CADPS: variants seen among roughly 807,000 people sequenced by gnomAD.
The protein encoded by CADPS is calcium dependent secretion activator, also known as calcium-dependent secretion activator 1.
In CADPS, 57 loss-of-function variants were observed where a neutral mutation model predicts 167.3. That is an observed-to-expected ratio of 0.34 (90% CI 0.28 to 0.42). CADPS has a LOEUF of 0.42. CADPS is among the 20% of genes least tolerant of loss of function. The pLI, the probability that CADPS is intolerant of heterozygous loss-of-function variation, is 1.00. For missense variants in CADPS, 1,414 were observed against 1,738.1 expected (o/e 0.81, Z 3.32); for synonymous variants, 676 against 635.3 (o/e 1.06, Z -0.96).
chr3:62,513,109 AC>A (rs1274423146), intron 16 of CADPS, among the ~76,000 whole-genome samples: 4 of 152,138 alleles, frequency 2.6e-5, no homozygotes, highest in Non-Finnish European at 5.9e-5. Flanking sequence ...TCTAGAGGGA[AC>A]AAGGAAAAGC....
At position 62,516,060 on chromosome 3, in the gene CADPS, T is replaced by C. The variant is rs757147661; in HGVS notation, c.2580A>G (p.Glu860=). 37 of 1,612,840 alleles carry C rather than the reference T, an allele frequency of 2.3e-5. 1 individual carries two copies. Among genetic ancestry groups the C allele is most frequent in the Non-Finnish European group, 2.9e-5 (34 of 1,179,254 alleles). ...ACTGGGGGCAGAAGGGAGCCTTACC[T>C]TCGATTTTGGCATACTCTGAGAGCC... ...YSRLSEYAKI[E]ENQKDAENVG... The change falls in exon 16 of 30, where the codon GAA becomes GAG. Residue 860 remains glutamate (E), a splice_region_variant and synonymous_variant. Coordinates refer to ENST00000383710, the MANE Select transcript of CADPS (RefSeq NM_003716.4).
intron 1 of CADPS, among the ~76,000 whole-genome samples, chr3:62,846,093 T>A (rs1001852690): frequency 6.6e-6 from 1 of 151,446 alleles, no homozygotes; most frequent in Non-Finnish European, 1.5e-5. Context: ...CCTGCCACCA[T>A]GTGAAGACAT....
At chr3:62,633,201 C>T (rs1451724308) in intron 6 of CADPS, among the ~76,000 whole-genome samples, 4 of 152,126 alleles carry the variant, frequency 2.6e-5, no homozygotes, top group Admixed American at 1.3e-4. Flanking sequence ...AGTTTGGGCT[C>T]TATGTCCCAA....
Position 62,399,669 on chromosome 3 carries a change from G to A in CADPS, c.3883-84C>T, listed in dbSNP as rs1575523652. 2 of 1,116,642 alleles carry A rather than the reference G, an allele frequency of 1.8e-6. No homozygotes were observed. Among genetic ancestry groups the A allele is most frequent in the East Asian group, 2.4e-5 (1 of 42,138 alleles). The allele number at this position is 1,116,642 out of a possible 1,614,324, so 69.2% of individuals were successfully genotyped here. On this transcript the variant is annotated intron_variant, in intron 29 of 29. Transcript: ENST00000383710. The surrounding 1 kb of genome is among the most constrained non-coding windows in gnomAD (Gnocchi z 5.6). The stretch of plus-strand genomic sequence containing the variant: ...AAGGTAAAAGCAGGTGTGGGTGGGA[G>A]AGCACTGACCTTCAGCTAAATATCA...
chr3:62,651,584 A>C (rs1051750213), intron 4 of CADPS, among the ~76,000 whole-genome samples: 5 of 152,202 alleles, frequency 3.3e-5, no homozygotes, highest in Non-Finnish European at 7.3e-5. Context: ...TAAGAATAAT[A>C]GTTACTGTTT....
At chr3:62,411,621 T>C (rs1375822725) in intron 28 of CADPS, among the ~76,000 whole-genome samples, 3 of 152,210 alleles carry the variant, frequency 2.0e-5, no homozygotes, top group African/African-American at 4.8e-5. Context: ...GTAGCTTCAT[T>C]AGCCTAAGCC....
intron 6 of CADPS, among the ~76,000 whole-genome samples, chr3:62,641,425 T>G (rs986846659): frequency 9.2e-5 from 14 of 152,160 alleles, no homozygotes; most frequent in African/African-American, 3.1e-4. Context: ...TTAGTAAAGG[T>G]AAGAGTGCCA....
chr3:62,857,187 A>G (rs945058330), intron 1 of CADPS, among the ~76,000 whole-genome samples: 3 of 152,150 alleles, frequency 2.0e-5, no homozygotes, highest in African/African-American at 2.4e-5. Flanking sequence ...AACAAAGAAT[A>G]TAAAGAGACA....
intron 8 of CADPS, among the ~76,000 whole-genome samples, chr3:62,578,830 T>C (rs918119722): frequency 2.0e-5 from 3 of 152,124 alleles, no homozygotes; most frequent in African/African-American, 7.2e-5. Context: ...TTGACGTTTA[T>C]TGATAAGAAG....
At chr3:62,492,474 A>G (rs1022901249) in intron 19 of CADPS, 28 bp from the exon 20 acceptor site, 3 of 1,605,986 alleles carry the variant, frequency 1.9e-6, no homozygotes, top group African/African-American at 2.7e-5. Context: ...AAAACAATAG[A>G]CAAAGAAGTG....
At chr3:62,746,358 G>A (rs958884863) in intron 3 of CADPS, among the ~76,000 whole-genome samples, 2 of 152,174 alleles carry the variant, frequency 1.3e-5, no homozygotes, top group Admixed American at 6.5e-5. Context: ...TTGAGACAGA[G>A]TCTCGCTCTC....
intron 1 of CADPS, among the ~76,000 whole-genome samples, chr3:62,852,785 T>C (rs1404175083): frequency 6.6e-6 from 1 of 152,108 alleles, no homozygotes; most frequent in African/African-American, 2.4e-5. Context: ...CCATGAACCA[T>C]CCTTGTTTGC....
chr3:62,449,564 G>A (rs2057740779), intron 26 of CADPS, among the ~76,000 whole-genome samples: 2 of 152,140 alleles, frequency 1.3e-5, no homozygotes, highest in South Asian at 2.1e-4. Context: ...AGAAGGGAAT[G>A]ATCAGATCCT....
At chr3:62,586,664 T>A (rs943259307) in intron 7 of CADPS, among the ~76,000 whole-genome samples, 4 of 152,234 alleles carry the variant, frequency 2.6e-5, no homozygotes, top group African/African-American at 9.6e-5. Flanking sequence ...CACTGTCTTA[T>A]GACATGATTG....
At chr3:62,804,527 C>T (rs2093971609) in intron 1 of CADPS, among the ~76,000 whole-genome samples, 1 of 151,956 alleles carries the variant, frequency 6.6e-6, no homozygotes, top group African/African-American at 2.4e-5. Flanking sequence ...TTTAGACTCA[C>T]TAGCTTTATG....
At chr3:62,592,795 G>A (rs1165442442) in intron 6 of CADPS, 47 bp from the exon 7 acceptor site, 3 of 1,378,182 alleles carry the variant, frequency 2.2e-6, no homozygotes, top group Admixed American at 1.7e-5. Flanking sequence ...CTGCCTTGAT[G>A]AGTCTAAACT....
At chr3:62,559,763 G>A (rs771852911) in intron 9 of CADPS, among the ~76,000 whole-genome samples, 34 of 152,022 alleles carry the variant, frequency 2.2e-4, no homozygotes, top group Non-Finnish European at 4.4e-4. Flanking sequence ...CAAAGTGCTG[G>A]GATTACAGGC....
intron 1 of CADPS, among the ~76,000 whole-genome samples, chr3:62,790,463 T>C (rs1358632537): frequency 6.6e-6 from 1 of 152,204 alleles, no homozygotes; most frequent in Non-Finnish European, 1.5e-5. Context: ...TCTCCATATA[T>C]ATTTTGAAAG....
intron 7 of CADPS, among the ~76,000 whole-genome samples, chr3:62,587,430 T>C: frequency 6.6e-6 from 1 of 152,190 alleles, no homozygotes; most frequent in East Asian, 1.9e-4. Flanking sequence ...TGACACTTTG[T>C]GGGAGCTGCT....
Sources: gnomAD v4.1 joint callset for allele counts (sites outside exome capture counted in the v4.1 genomes callset) on GRCh38, gnomAD v4.1.1 for gene constraint, Gnocchi (gnomAD v3.1) non-coding constraint, MANE v1.5 for transcripts, NCBI Gene and HGNC (gene_info 2026-07-23, HGNC 2026-07-21) for gene names.